Variants in SYNJ2 observed in about 807,000 individuals in gnomAD.
SYNJ2 encodes the protein polyphosphatidylinositol phosphatase SYNJ2.
Under a neutral mutation model 141.3 loss-of-function variants are expected in SYNJ2, and 116 were observed. That is an observed-to-expected ratio of 0.82 (90% confidence interval 0.71 to 0.96). The LOEUF (loss-of-function observed/expected upper bound fraction) is 0.96. Ranked by LOEUF, SYNJ2 falls within the 40% of genes least tolerant of loss-of-function variation. The probability of loss-of-function intolerance (pLI) is 0.00; values close to 1 mark genes in which losing one functional copy is unlikely to be tolerated. For synonymous variants in SYNJ2, 745 were observed against 777.7 expected (o/e 0.96, Z 0.70); for missense variants, 1,873 against 1,934.8 (o/e 0.97, Z 0.60).
intron 5 of SYNJ2, among the ~76,000 whole-genome samples, chr6:158,052,337 AT>A (rs1260969863): frequency 6.6e-6 from 1 of 152,214 alleles, no homozygotes; most frequent in Non-Finnish European, 1.5e-5. Context: ...ACACGTTATT[AT>A]TTTTTGAACC....
At chr6:158,091,278 T>G (rs1015962219) in intron 25 of SYNJ2, among the ~76,000 whole-genome samples, 1 of 151,518 alleles carries the variant, frequency 6.6e-6, no homozygotes, top group African/African-American at 2.4e-5. Context: ...ATTGCACCAC[T>G]GCACTCCAGC....
At chr6:158,002,532 A>T (rs952707183) in intron 1 of SYNJ2, 2 of 152,360 alleles carry the variant, frequency 1.3e-5, no homozygotes, top group African/African-American at 4.8e-5. Flanking sequence ...AGCCAGGATC[A>T]GAACCTGCAG....
At chr6:158,082,216 T>C (rs2025181) in intron 20 of SYNJ2, among the ~76,000 whole-genome samples, 84,017 of 151,374 alleles carry the variant, frequency 0.56, 23,937 homozygotes, top group African/African-American at 0.7. Context: ...GCGCTGGGTG[T>C]GGTGGCTTAC....
intron 5 of SYNJ2, 127 bp from the exon 6 acceptor site, chr6:158,054,840 C>A: frequency 2.3e-6 from 2 of 885,840 alleles, no homozygotes; most frequent in Non-Finnish European, 3.6e-6. Flanking sequence ...CCTGAAGAGA[C>A]CACAGAGGTG....
At chr6:158,068,182 G>A (rs1016974214) in intron 12 of SYNJ2, among the ~76,000 whole-genome samples, 3 of 151,042 alleles carry the variant, frequency 2.0e-5, no homozygotes, top group Non-Finnish European at 4.4e-5. Flanking sequence ...GGAAACTAGA[G>A]GTTCCAGGTT....
intron 12 of SYNJ2, chr6:158,067,674 C>G: frequency 2.0e-6 from 2 of 985,438 alleles, no homozygotes; most frequent in Non-Finnish European, 2.4e-6. Context: ...TGTGTACATT[C>G]ATGCCCCACA....
At chr6:158,077,889 C>T (rs565404326) in intron 17 of SYNJ2, 71 of 232,986 alleles carry the variant, frequency 3.0e-4, no homozygotes, top group African/African-American at 1.5e-3. Flanking sequence ...CCTGGAAACC[C>T]GGCAGCAACA....
rs892184090 is a variant in SYNJ2 at position 157,990,278 on chromosome 6, C to T, written c.127+8190C>T. On this transcript the variant is annotated intron_variant, in intron 1 of 26. Coordinates refer to ENST00000355585, the MANE Select transcript of SYNJ2 (RefSeq NM_003898.4). The stretch of plus-strand genomic sequence containing the variant: ...CAGGTTTTTGAGGACATGGGGCTCT[C>T]GGGCACCTGGTTGTATTCCTGCATC... Among the ~76,000 whole-genome samples the T allele has an allele frequency of 2.6e-5, 4 of 152,162 alleles. No individual in the cohort carries two copies. The East Asian group carries it at 7.7e-4, about 29-fold the overall frequency.
intron 1 of SYNJ2, among the ~76,000 whole-genome samples, chr6:157,992,579 G>T (rs1212840714): frequency 6.6e-6 from 1 of 151,814 alleles, no homozygotes; most frequent in African/African-American, 2.4e-5. Flanking sequence ...TGTATTTTTA[G>T]TAGAGACAGG....
At chr6:158,083,932 A>T in intron 21 of SYNJ2, 69 bp from the exon 22 acceptor site, 1 of 1,560,772 alleles carries the variant, frequency 6.4e-7, no homozygotes, top group Non-Finnish European at 8.8e-7. Context: ...AACCAGTCCC[A>T]CTGATGGAAG....
intron 1 of SYNJ2, among the ~76,000 whole-genome samples, chr6:157,992,516 A>G (rs1305035475): frequency 6.7e-6 from 1 of 149,620 alleles, no homozygotes; most frequent in Non-Finnish European, 1.5e-5. Flanking sequence ...TCTGGGTTCA[A>G]CCTCCCAAGT....
intron 2 of SYNJ2, among the ~76,000 whole-genome samples, chr6:158,023,263 T>TAAAAAA (rs1778869125): frequency 1.7e-5 from 2 of 119,446 alleles, no homozygotes; most frequent in South Asian, 3.1e-4. Context: ...GTCTCTAAAT[T>TAAAAAA]TAAAAAAAAA....
chr6:158,043,096 C>T lies in SYNJ2; in HGVS notation c.712-220C>T, dbSNP rs1029524421. 6.6e-6 allele frequency among the ~76,000 whole-genome samples: 1 copy of T among 152,144 alleles called. No individual in the cohort carries two copies. Among genetic ancestry groups the T allele is most frequent in the Non-Finnish European group, 1.5e-5 (1 of 68,022 alleles). On this transcript the variant is annotated intron_variant, in intron 4 of 26. Coordinates refer to ENST00000355585, the MANE Select transcript of SYNJ2 (RefSeq NM_003898.4). This position sits in a 1 kb window ranked among gnomAD's most constrained non-coding sequence, Gnocchi z 4.0. Reference sequence around the variant, plus strand: ...CTGGGAGGCCCCAACCCCCAGCAGACCCCCTCCTCAGAGGCTGGTCGACAG... The same window carrying T: ...CTGGGAGGCCCCAACCCCCAGCAGATCCCCTCCTCAGAGGCTGGTCGACAG...
Position 158,081,158 on chromosome 6 carries a change from G to A in SYNJ2, c.2617G>A (p.Ala873Thr), listed in dbSNP as rs2128388148. 1.2e-6 allele frequency: 2 copies of A among 1,614,048 alleles called. No individual in the cohort carries two copies. The highest frequency in any genetic ancestry group is 4.5e-5 in the East Asian group (2 of 44,884). Reference protein sequence around the residue: ...EVEVQEVDVGARERVFQEVSS... With the variant: ...EVEVQEVDVGTRERVFQEVSS... ...GGAAGTTCAGGAAGTCGATGTGGGT[G>A]CTCGGGAGAGGGTTTTCCAGGAAGT... Residue 873 changes from alanine (A) to threonine (T), a missense_variant, in exon 19 of 27, where the codon GCT becomes ACT. Physicochemically the swap from Ala to Thr is moderately conservative, Grantham distance 58. Coordinates refer to ENST00000355585, the MANE Select transcript of SYNJ2 (RefSeq NM_003898.4).
chr6:158,051,976 GAAGAAT>G (rs944355136), intron 5 of SYNJ2, among the ~76,000 whole-genome samples: 25 of 151,616 alleles, frequency 1.6e-4, no homozygotes, highest in Middle Eastern at 3.4e-3. Flanking sequence ...AAAAGAAGAA[GAAGAAT>G]AAGAAGAAAA....
Position 158,059,299 on chromosome 6 carries a change from C to A in SYNJ2, c.900C>A (p.Val300=). The A allele has an allele frequency of 1.9e-6, 3 of 1,550,812 alleles. No individual in the cohort carries two copies. In the South Asian group the frequency reaches 3.6e-5, roughly 18 times the overall value. ...LLKEQYGQQV[V]VNLLGSRGGE... is the part of the protein sequence containing the mutation. ...AGGAGCAGTACGGGCAGCAGGTGGTCGTGAACCTTCTGGGAAGCAGAGGCG... is the reference window on the plus strand; with the variant it reads ...AGGAGCAGTACGGGCAGCAGGTGGTAGTGAACCTTCTGGGAAGCAGAGGCG... Residue 300 remains valine, a synonymous_variant, in exon 7 of 27, where the codon GTC becomes GTA. Coordinates refer to ENST00000355585, the MANE Select transcript of SYNJ2 (RefSeq NM_003898.4).
intron 4 of SYNJ2, among the ~76,000 whole-genome samples, chr6:158,039,025 G>A (rs1186608436): frequency 6.6e-6 from 1 of 152,238 alleles, no homozygotes; most frequent in Admixed American, 6.5e-5. Flanking sequence ...AGGTGTGACA[G>A]CCCTTTTTCT....
At position 158,043,198 on chromosome 6, in the gene SYNJ2, C is replaced by A; in HGVS notation, c.712-118C>A. On this transcript the variant is annotated intron_variant, in intron 4 of 26. Transcript: ENST00000355585. The surrounding 1 kb of genome is among the most constrained non-coding windows in gnomAD (Gnocchi z 4.0). ...GGGGAGCAGAGGACGCCGGAGTCCA[C>A]CGTCCGCCCTTCATTCTGGCTGGTG... 1.2e-6 allele frequency: 1 copy of A among 819,354 alleles called. No individual in the cohort carries two copies. Among genetic ancestry groups the A allele is most frequent in the Non-Finnish European group, 2.0e-6 (1 of 501,982 alleles). 50.8% of individuals were successfully genotyped at this position (819,354 alleles called of 1,614,324 possible). A position where few individuals can be genotyped will look rare whatever the true frequency, so the allele number is the denominator to read the frequency against.
chr6:158,047,494 T>C lies in SYNJ2; in HGVS notation c.795+4095T>C, dbSNP rs376526946. 3.9e-5 allele frequency among the ~76,000 whole-genome samples: 6 copies of C among 152,102 alleles called. No homozygotes were observed. The South Asian group carries it at 1.2e-3, about 32-fold the overall frequency. ...GATTAAAGAGCGTAATATAAGAATT[T>C]GGCTGGGCATGGGGGCTCATGCCTG... On this transcript the variant is annotated intron_variant, in intron 5 of 26. Coordinates refer to ENST00000355585, the MANE Select transcript of SYNJ2 (RefSeq NM_003898.4).
Sources: allele counts gnomAD v4.1 joint callset (sites outside exome capture counted in the v4.1 genomes callset), GRCh38; gene constraint gnomAD v4.1.1; non-coding constraint Gnocchi (gnomAD v3.1); transcripts MANE v1.5; gene names NCBI Gene and HGNC (gene_info 2026-07-23, HGNC 2026-07-21).